SLCO1B3: variants seen among roughly 807,000 people sequenced by gnomAD.
SLCO1B3 encodes the protein solute carrier organic anion transporter family member 1B3, also known as liver-specific organic anion transporter 2.
SLCO1B3 carries 72 observed loss-of-function variants against 71.8 expected under a neutral mutation model. The observed-to-expected ratio is 1.00, with a 90% CI of 0.83 to 1.22. The LOEUF (loss-of-function observed/expected upper bound fraction) is 1.22. Ranked by LOEUF, SLCO1B3 falls within the 50% of genes most tolerant of loss-of-function variation. The probability of loss-of-function intolerance (pLI) is 0.00; values close to 1 mark genes in which losing one functional copy is unlikely to be tolerated. For missense variants in SLCO1B3, 911 were observed against 819.7 expected (o/e 1.11, Z -1.36); for synonymous variants, 298 against 278.4 (o/e 1.07, Z -0.70).
At chr12:20,872,810 A>G (rs1410824418) in intron 8 of SLCO1B3, among the ~76,000 whole-genome samples, 2 of 152,008 alleles carry the variant, frequency 1.3e-5, no homozygotes, top group African/African-American at 2.4e-5. Flanking sequence ...ATATTTTGCA[A>G]TCTATGCCTT....
chr12:20,823,234 T>G (rs1352126656), intron 3 of SLCO1B3, among the ~76,000 whole-genome samples: 1 of 152,164 alleles, frequency 6.6e-6, no homozygotes, highest in Non-Finnish European at 1.5e-5. Context: ...AAGTTTAAGT[T>G]GTCTAGTTTG....
chr12:20,850,410 G>T (rs1865002046), intron 3 of SLCO1B3, among the ~76,000 whole-genome samples: 1 of 151,810 alleles, frequency 6.6e-6, no homozygotes, highest in Non-Finnish European at 1.5e-5. Context: ...CTCCTGAGTA[G>T]CTGGGACTGC....
At position 20,904,755 on chromosome 12, in the gene SLCO1B3, C is replaced by CTTTTTTT. The variant is rs775996155; in HGVS notation, c.1865+3315_1865+3321dup. ...GCAGACTTCTGCCTGGACATCCAGG[C>CTTTTTTT]TTTTTTTTTTTTTTTTTTTTTTTTT... is the stretch of plus-strand genomic sequence containing the variant. On this transcript the variant is annotated intron_variant, in intron 15 of 15. Transcript: ENST00000381545. Among the ~76,000 whole-genome samples, 96 of 56,116 alleles carry CTTTTTTT rather than the reference C, an allele frequency of 1.7e-3. 19 individuals are homozygous for CTTTTTTT. Among genetic ancestry groups the CTTTTTTT allele is most frequent in the African/African-American group, 8.3e-3 (94 of 11,274 alleles). 36.8% of individuals were successfully genotyped at this position (56,116 alleles called of 152,430 possible). A position where few individuals can be genotyped will look rare whatever the true frequency, so the allele number is the denominator to read the frequency against.
At chr12:20,830,173 C>A (rs117331940) in intron 3 of SLCO1B3, among the ~76,000 whole-genome samples, 12 of 152,122 alleles carry the variant, frequency 7.9e-5, no homozygotes, top group Non-Finnish European at 1.5e-5. Context: ...TTGCACCTGG[C>A]GCCCGTAAGA....
intron 3 of SLCO1B3, among the ~76,000 whole-genome samples, chr12:20,843,258 A>G (rs1456388409): frequency 6.6e-6 from 1 of 152,094 alleles, no homozygotes; most frequent in Non-Finnish European, 1.5e-5. Flanking sequence ...TTAAAAGACA[A>G]TTACAAAATT....
In SLCO1B3 at chr12:20,883,417, G is replaced by A; in HGVS notation, c.1498-1G>A. The A allele has an allele frequency of 2.0e-6, 3 of 1,502,254 alleles. No homozygotes were observed. In the South Asian group the frequency reaches 3.9e-5, roughly 20 times the overall value. 93.1% of individuals were successfully genotyped at this position (1,502,254 alleles called of 1,614,324 possible). A position where few individuals can be genotyped will look rare whatever the true frequency, so the allele number is the denominator to read the frequency against. ...GTTAATATTTCAAAAACTATTTTTA[G>A]GTGTTTTATAACTGTAGTTGTGTGG... On this transcript the variant is annotated splice_acceptor_variant, in intron 12 of 15. Transcript: ENST00000381545. LOFTEE classifies it high-confidence loss of function.
intron 3 of SLCO1B3, among the ~76,000 whole-genome samples, chr12:20,846,571 T>C (rs887576893): frequency 1.3e-5 from 2 of 152,084 alleles, no homozygotes. Flanking sequence ...AAAAAGTATA[T>C]GAAGTAAAAA....
chr12:20,845,318 G>C (rs1864894787), intron 3 of SLCO1B3: 2 of 20,188 alleles, frequency 9.9e-5, no homozygotes, highest in Non-Finnish European at 6.7e-4. Flanking sequence ...ACAATGAGTA[G>C]AAACATCATC....
intron 3 of SLCO1B3, among the ~76,000 whole-genome samples, chr12:20,830,806 C>G (rs1864524022): frequency 6.6e-6 from 1 of 152,078 alleles, no homozygotes; most frequent in Non-Finnish European, 1.5e-5. Flanking sequence ...AATATTTCAG[C>G]AGAATGGCAA....
At chr12:20,823,202 C>T (rs150487583) in intron 3 of SLCO1B3, among the ~76,000 whole-genome samples, 32 of 152,174 alleles carry the variant, frequency 2.1e-4, no homozygotes, top group African/African-American at 7.5e-4. Flanking sequence ...GTGTATAAAT[C>T]GGTTTCTGTT....
intron 2 of SLCO1B3, among the ~76,000 whole-genome samples, chr12:20,814,086 C>T (rs1375688240): frequency 2.6e-5 from 4 of 152,218 alleles, no homozygotes; most frequent in East Asian, 3.9e-4. Flanking sequence ...ATGCTATATA[C>T]ATAACATATA....
Position 20,862,309 on chromosome 12 carries a change from C to T in SLCO1B3, c.482-103C>T, listed in dbSNP as rs2017737. On this transcript the variant is annotated intron_variant, in intron 6 of 15. Transcript: ENST00000381545. Reference sequence around the variant, plus strand: ...ATATGAATCACTTGTAATTAGGAAACAAACAAACAAAAAATGGAAAAATGA... The same window carrying T: ...ATATGAATCACTTGTAATTAGGAAATAAACAAACAAAAAATGGAAAAATGA... 19 of 1,321,372 alleles carry T rather than the reference C, an allele frequency of 1.4e-5. No homozygotes were observed. In the African/African-American group the frequency reaches 2.9e-4, roughly 20 times the overall value. The allele number at this position is 1,321,372 out of a possible 1,614,324, so 81.9% of individuals were successfully genotyped here. A position where few individuals can be genotyped will look rare whatever the true frequency, so the allele number is the denominator to read the frequency against.
chr12:20,855,298 G>C (rs925411965), intron 4 of SLCO1B3, 129 bp downstream of exon 4: 2 of 776,998 alleles, frequency 2.6e-6, no homozygotes, highest in African/African-American at 3.5e-5. Flanking sequence ...TTGGCAATAT[G>C]TTAGGATATT....
At chr12:20,862,300 A>G (rs560449270) in intron 6 of SLCO1B3, 112 bp from the exon 7 acceptor site, 1 of 1,226,768 alleles carries the variant, frequency 8.2e-7, no homozygotes, top group East Asian at 2.6e-5. Context: ...ATCACTTGTA[A>G]TTAGGAAACA....
At chr12:20,841,482 A>G (rs1048980648) in intron 3 of SLCO1B3, among the ~76,000 whole-genome samples, 1 of 145,528 alleles carries the variant, frequency 6.9e-6, no homozygotes, top group African/African-American at 2.5e-5. Context: ...CTTATTTAAA[A>G]ATGTTTTCTA....
Position 20,916,352 on chromosome 12 carries a change from T to A in SLCO1B3, c.*105T>A, listed in dbSNP as rs989077078. ...GTGGACCAATGGATAAGTCTATGCA[T>A]CTATAATAAACTATAAAAAATGGGA... On this transcript the variant is annotated 3_prime_UTR_variant, in exon 16 of 16. Transcript: ENST00000381545. 6.4e-6 allele frequency: 7 copies of A among 1,087,974 alleles called. No homozygotes were observed. The highest frequency in any genetic ancestry group is 4.7e-5 in the African/African-American group (3 of 63,238). The allele number at this position is 1,087,974 out of a possible 1,614,324, so 67.4% of individuals were successfully genotyped here.
chr12:20,858,609 T>C (rs375980079), intron 5 of SLCO1B3, 38 bp downstream of exon 5: 3 of 1,555,876 alleles, frequency 1.9e-6, no homozygotes, highest in African/African-American at 2.8e-5. Flanking sequence ...TATTATCAGC[T>C]ACTTGTAAAT....
chr12:20,861,957 G>GT (rs1865275186), intron 6 of SLCO1B3, among the ~76,000 whole-genome samples: 2 of 151,848 alleles, frequency 1.3e-5, no homozygotes, highest in Admixed American at 1.3e-4. Context: ...AAAATATTTT[G>GT]TAACGACAAA....
chr12:20,879,445 C>G lies in SLCO1B3; in HGVS notation c.1145C>G (p.Thr382Ser). The G allele has an allele frequency of 1.3e-6, 2 of 1,590,800 alleles. No homozygotes were observed. Among genetic ancestry groups the G allele is most frequent in the Non-Finnish European group, 1.7e-6 (2 of 1,163,322 alleles). Reference sequence around the variant, plus strand: ...CTTCTTTTATTTCTAGGAATCATAACCATTCCTACGGTTGCAACTGGAATG... The same window carrying G: ...CTTCTTTTATTTCTAGGAATCATAAGCATTCCTACGGTTGCAACTGGAATG... Reference protein sequence around the residue: ...SHANFLLGIITIPTVATGMFL... With the variant: ...SHANFLLGIISIPTVATGMFL... The change falls in exon 11 of 16, where the codon ACC becomes AGC. Residue 382 changes from threonine to serine, a missense_variant. Thr to Ser is a moderately conservative substitution (Grantham distance 58). Coordinates refer to ENST00000381545, the MANE Select transcript of SLCO1B3 (RefSeq NM_019844.4).
Sources: gnomAD v4.1 joint callset for allele counts (sites outside exome capture counted in the v4.1 genomes callset) on GRCh38, gnomAD v4.1.1 for gene constraint, MANE v1.5 for transcripts, NCBI Gene and HGNC (gene_info 2026-07-23, HGNC 2026-07-21) for gene names.